Variants in CADM2 observed in about 807,000 individuals in gnomAD.
The protein encoded by CADM2 is cell adhesion molecule 2, also known as immunoglobulin superfamily member 4D.
CADM2 carries 12 observed loss-of-function variants against 49.8 expected under a neutral mutation model. The ratio of observed to expected loss-of-function variants is 0.24; its 90% CI spans 0.15 to 0.39. The LOEUF (loss-of-function observed/expected upper bound fraction) is 0.39, where lower values mean the gene tolerates loss of function less well. Ranked by LOEUF, CADM2 falls within the 10% of genes least tolerant of loss-of-function variation. The pLI is 1.00. For missense variants in CADM2, 378 were observed against 492.3 expected (o/e 0.77, Z 2.20); for synonymous variants, 214 against 175.4 (o/e 1.22, Z -1.74).
intron 7 of CADM2, among the ~76,000 whole-genome samples, chr3:85,956,910 C>G (rs1202763575): frequency 6.6e-6 from 1 of 151,494 alleles, no homozygotes; most frequent in Non-Finnish European, 1.5e-5. Flanking sequence ...ACAATTTTCT[C>G]TGTATGTTTA....
chr3:85,997,750 G>C (rs768179224), intron 8 of CADM2, among the ~76,000 whole-genome samples: 6 of 152,076 alleles, frequency 3.9e-5, no homozygotes, highest in Non-Finnish European at 7.4e-5. Context: ...CTAACTTGCT[G>C]TTATAAGATG....
chr3:85,997,300 T>G (rs1729548673), intron 8 of CADM2, among the ~76,000 whole-genome samples: 1 of 152,206 alleles, frequency 6.6e-6, no homozygotes, highest in Admixed American at 6.5e-5. Flanking sequence ...TAACTATAAC[T>G]TAATTTTATT....
chr3:85,511,242 A>G (rs140865364), intron 1 of CADM2, among the ~76,000 whole-genome samples: 1 of 152,200 alleles, frequency 6.6e-6, no homozygotes, highest in East Asian at 1.9e-4. Flanking sequence ...AGGATCATAA[A>G]TGCTCTGTAA....
chr3:85,425,718 G>T (rs4856571), intron 1 of CADM2, among the ~76,000 whole-genome samples: 4 of 151,930 alleles, frequency 2.6e-5, no homozygotes, highest in South Asian at 2.1e-4. Context: ...CCAGGTCTTG[G>T]GGGTGACAAA....
intron 1 of CADM2, among the ~76,000 whole-genome samples, chr3:85,701,971 C>A (rs200225483): frequency 1.6e-4 from 22 of 134,320 alleles, no homozygotes; most frequent in Non-Finnish European, 2.2e-4. Context: ...GATAGATAGA[C>A]ATAGATAGAT....
At chr3:85,323,875 C>A (rs529161503) in intron 1 of CADM2, among the ~76,000 whole-genome samples, 140 of 152,270 alleles carry the variant, frequency 9.2e-4, no homozygotes, top group African/African-American at 3.2e-3. Flanking sequence ...AGCCAGTCTT[C>A]AATTCTTCTT....
intron 1 of CADM2, among the ~76,000 whole-genome samples, chr3:84,982,298 T>A (rs2032228511): frequency 6.6e-6 from 1 of 152,156 alleles, no homozygotes; most frequent in South Asian, 2.1e-4. Context: ...AGACATAAAA[T>A]GGACTCCAAA....
intron 2 of CADM2, among the ~76,000 whole-genome samples, chr3:85,747,321 G>A (rs566003055): frequency 2.0e-4 from 30 of 152,078 alleles, no homozygotes; most frequent in African/African-American, 7.0e-4. Flanking sequence ...TTTGTTTTAT[G>A]ATCACCTATG....
chr3:85,950,021 C>A (rs921081836), intron 7 of CADM2, among the ~76,000 whole-genome samples: 2 of 151,046 alleles, frequency 1.3e-5, no homozygotes, highest in African/African-American at 2.4e-5. Context: ...CTGAGAAATG[C>A]ACACTCATAA....
At chr3:85,295,945 A>G (rs906683475) in intron 1 of CADM2, among the ~76,000 whole-genome samples, 15 of 151,518 alleles carry the variant, frequency 9.9e-5, no homozygotes, top group African/African-American at 3.7e-4. Flanking sequence ...AGAAAAAAAG[A>G]AGAAGAAAAA....
chr3:84,989,873 T>C (rs1263205179), intron 1 of CADM2, among the ~76,000 whole-genome samples: 1 of 151,920 alleles, frequency 6.6e-6, no homozygotes, highest in African/African-American at 2.4e-5. Flanking sequence ...ATATCATTCT[T>C]CCACCTACAG....
intron 1 of CADM2, among the ~76,000 whole-genome samples, chr3:85,525,271 T>A (rs1375491511): frequency 1.3e-5 from 2 of 152,176 alleles, no homozygotes; most frequent in Non-Finnish European, 2.9e-5. Context: ...ATTTCTTCTG[T>A]TATTTACATC....
At chr3:85,863,518 G>A (rs1278471597) in intron 3 of CADM2, among the ~76,000 whole-genome samples, 2 of 152,136 alleles carry the variant, frequency 1.3e-5, no homozygotes, top group Admixed American at 6.5e-5. Context: ...TACTGCAGGA[G>A]TTTGGTTCTC....
intron 3 of CADM2, among the ~76,000 whole-genome samples, chr3:85,818,976 C>T (rs1220934558): frequency 6.6e-6 from 1 of 151,918 alleles, no homozygotes; most frequent in African/African-American, 2.4e-5. Context: ...TGGTCATCTG[C>T]AAGGTGAGGA....
intron 2 of CADM2, among the ~76,000 whole-genome samples, chr3:85,801,836 A>T (rs895316249): frequency 3.3e-5 from 5 of 152,182 alleles, no homozygotes; most frequent in African/African-American, 1.2e-4. Context: ...TAGAACATGT[A>T]GGGAGTACAA....
intron 3 of CADM2, among the ~76,000 whole-genome samples, chr3:85,821,454 A>G (rs2073561745): frequency 6.6e-6 from 1 of 152,188 alleles, no homozygotes; most frequent in Non-Finnish European, 1.5e-5. Context: ...TGAAGAAAAC[A>G]AAGTGGAAAC....
At chr3:85,514,271 C>T (rs1473502506) in intron 1 of CADM2, among the ~76,000 whole-genome samples, 1 of 152,040 alleles carries the variant, frequency 6.6e-6, no homozygotes, top group Non-Finnish European at 1.5e-5. Context: ...TGGAGACAGA[C>T]ACTACTGTTT....
intron 1 of CADM2, among the ~76,000 whole-genome samples, chr3:85,475,204 A>C (rs777338569): frequency 6.0e-4 from 92 of 152,066 alleles, no homozygotes; most frequent in Admixed American, 1.4e-3. Context: ...TAGTGAGCAT[A>C]AAATTCATAC....
chr3:85,268,270 T>C (rs2043163472), intron 1 of CADM2, among the ~76,000 whole-genome samples: 1 of 151,514 alleles, frequency 6.6e-6, no homozygotes, highest in Non-Finnish European at 1.5e-5. Context: ...TGATATGTTG[T>C]ATTCATTCCT....
Sources: gnomAD v4.1 joint callset for allele counts (sites outside exome capture counted in the v4.1 genomes callset) on GRCh38, gnomAD v4.1.1 for gene constraint, MANE v1.5 for transcripts, NCBI Gene and HGNC (gene_info 2026-07-23, HGNC 2026-07-21) for gene names.